Variants in HAP1 observed in about 807,000 individuals in gnomAD.
HAP1 encodes huntingtin associated protein 1, also known as huntingtin-associated protein 1.
Under a neutral mutation model 60.3 loss-of-function variants are expected in HAP1, and 59 were observed. The ratio of observed to expected loss-of-function variants is 0.98; its 90% CI spans 0.79 to 1.22. The LOEUF is 1.22. Among genes scored for constraint, HAP1 ranks in the 50% most tolerant of loss-of-function variants. The pLI is 0.00. For missense variants in HAP1, 825 were observed against 785.3 expected (o/e 1.05, Z -0.60); for synonymous variants, 346 against 330.6 (o/e 1.05, Z -0.50).
At position 41,734,621 on chromosome 17, in the gene HAP1, C is replaced by A. The variant is rs887083206; in HGVS notation, c.14G>T (p.Arg5Met). The A allele has an allele frequency of 1.4e-5, 22 of 1,538,664 alleles. No individual in the cohort carries two copies. The highest frequency in any genetic ancestry group is 1.9e-5 in the Non-Finnish European group (22 of 1,144,560). Residue 5 changes from arginine (R) to methionine (M), a missense_variant, in exon 1 of 11, where the codon AGG becomes ATG. Physicochemically the swap from Arg to Met is moderately conservative, Grantham distance 91 (BLOSUM62 -1). Transcript: ENST00000347901. Reference protein sequence around the residue: MRPKRLGRCCAGSRL... With the variant: MRPKMLGRCCAGSRL... ...GCTCCCCGCGCAGCACCGGCCCAAC[C>A]TCTTCGGGCGCATCTCGAGTCTGCC...
chr17:41,717,838 A>G (rs1911042755), downstream of HAP1: 1 of 358,526 alleles, frequency 2.8e-6, no homozygotes, highest in Non-Finnish European at 6.4e-6. Flanking sequence ...TGGCAAGAAT[A>G]GGAGGAACCC....
Position 41,725,260 on chromosome 17 carries a change from C to G in HAP1, c.1407-106G>C, listed in dbSNP as rs1041272182. 3.7e-5 allele frequency: 35 copies of G among 952,374 alleles called. No homozygotes were observed. In the African/African-American group the frequency reaches 5.4e-4, roughly 15 times the overall value. The allele number at this position is 952,374 out of a possible 1,614,324, so 59.0% of individuals were successfully genotyped here. A position where few individuals can be genotyped will look rare whatever the true frequency, so the allele number is the denominator to read the frequency against. On this transcript the variant is annotated intron_variant, in intron 10 of 10. Coordinates refer to ENST00000347901, the MANE Select transcript of HAP1 (RefSeq NM_177977.3). ...TCCTGATGGTTCCTCCTGGTTCTGTCCCAGCCAGGGGAGAGGGGAGCTAGG... is the reference window on the plus strand; with the variant it reads ...TCCTGATGGTTCCTCCTGGTTCTGTGCCAGCCAGGGGAGAGGGGAGCTAGG...
Position 41,724,727 on chromosome 17 carries a change from T to G in HAP1, c.1834A>C (p.Thr612Pro). ...PHGALPAASR[T>P]SCRSSCR ...CATCGGCACGACGATCTGCAGCTTG[T>G]CCGGCTGGCGGCAGGGAGGGCCCCG... The change falls in exon 11 of 11, where the codon ACA becomes CCA. Residue 612 changes from threonine (T) to proline (P), a missense_variant. Coordinates refer to ENST00000347901, the MANE Select transcript of HAP1 (RefSeq NM_177977.3). 6.3e-7 allele frequency: 1 copy of G among 1,594,868 alleles called. No homozygotes were observed. Among genetic ancestry groups the G allele is most frequent in the Non-Finnish European group, 8.6e-7 (1 of 1,165,520 alleles).
downstream of HAP1, among the ~76,000 whole-genome samples, chr17:41,719,066 C>T (rs1449675602): frequency 6.6e-6 from 1 of 152,154 alleles, no homozygotes; most frequent in Non-Finnish European, 1.5e-5. Flanking sequence ...GCAACCTCCA[C>T]CTCCCAGGTT....
intron 6 of HAP1, among the ~76,000 whole-genome samples, chr17:41,729,355 G>A (rs1555589908): frequency 3.5e-5 from 5 of 144,846 alleles, no homozygotes; most frequent in East Asian, 2.2e-4. Context: ...TTCAACACCA[G>A]CTTGCCCAAC....
chr17:41,719,175 T>A (rs1182935689), downstream of HAP1, among the ~76,000 whole-genome samples: 2 of 151,906 alleles, frequency 1.3e-5, no homozygotes, highest in Non-Finnish European at 2.9e-5. Context: ...AGGTGGGGTT[T>A]CACCATGTTG....
In HAP1 at chr17:41,727,142, C is replaced by T. The variant is rs782031193; in HGVS notation, c.1278G>A (p.Glu426=). The T allele has an allele frequency of 6.4e-7, 1 of 1,556,576 alleles. No homozygotes were observed. The highest frequency in any genetic ancestry group is 8.9e-7 in the Non-Finnish European group (1 of 1,128,762). ...GCGTCTCCTGGAAACCAGGAAGAGT[C>T]TCCTATGGTGGAGAGAACAGACGTT... The part of the protein sequence containing the change: ...KEIQMQLQEE[E]TLPGFQETLA... Residue 426 remains glutamate (E), a splice_region_variant and synonymous_variant, in exon 9 of 11, where the codon GAG becomes GAA. Coordinates refer to ENST00000347901, the MANE Select transcript of HAP1 (RefSeq NM_177977.3).
chr17:41,728,381 AC>A, intron 6 of HAP1, 50 bp from the exon 7 acceptor site: 1 of 1,587,974 alleles, frequency 6.3e-7, no homozygotes, highest in Non-Finnish European at 8.6e-7. Context: ...GCCTTCAGGG[AC>A]CAGCTCTGGC....
At position 41,724,836 on chromosome 17, in the gene HAP1, G is replaced by A; in HGVS notation, c.1725C>T (p.Val575=). 2 of 1,613,494 alleles carry A rather than the reference G, an allele frequency of 1.2e-6. No individual in the cohort carries two copies. Among genetic ancestry groups the A allele is most frequent in the Non-Finnish European group, 1.7e-6 (2 of 1,179,954 alleles). The change falls in exon 11 of 11, where the codon GTC becomes GTT. Residue 575 remains valine (V), a synonymous_variant. Coordinates refer to ENST00000347901, the MANE Select transcript of HAP1 (RefSeq NM_177977.3). ...CTTGCCAGTTGGCCAGCTGCTGGAG[G>A]ACATAATTCATGTCCAGGTGTGAAG... The part of the protein sequence containing the change: ...LGPSHLDMNY[V]LQQLANWQDA...
Position 41,727,807 on chromosome 17 carries a change from C to T in HAP1, c.1230G>A (p.Lys410=). The T allele has an allele frequency of 2.5e-6, 4 of 1,611,474 alleles. No homozygotes were observed. Among genetic ancestry groups the T allele is most frequent in the Non-Finnish European group, 2.5e-6 (3 of 1,178,096 alleles). The change falls in exon 8 of 11, where the codon AAG becomes AAA. Residue 410 remains lysine, a synonymous_variant. Coordinates refer to ENST00000347901, the MANE Select transcript of HAP1 (RefSeq NM_177977.3). ...GGATTTCCTTCTCCGAAGCCAGCTG[C>T]TTCTGCAACTTTTCAGTCTCAGCCC... ...MYGAETEKLQ[K]QLASEKEIQM...
At chr17:41,725,215 C>A (rs1457470093) in intron 10 of HAP1, 61 bp from the exon 11 acceptor site, 1 of 1,375,632 alleles carries the variant, frequency 7.3e-7, no homozygotes, top group Non-Finnish European at 9.9e-7. Flanking sequence ...CAGGCCCACC[C>A]CCACCCGTCT....
chr17:41,719,812 A>G (rs1555586678), downstream of HAP1, among the ~76,000 whole-genome samples: 1 of 152,206 alleles, frequency 6.6e-6, no homozygotes, highest in African/African-American at 2.4e-5. Flanking sequence ...TTTATTCACT[A>G]ATGAGTATCA....
In HAP1 at chr17:41,723,297, T is replaced by C. The variant is rs987533046; in HGVS notation, c.*1404A>G. Reference sequence around the variant, plus strand: ...TTCCTACCGCCTGTCCCTGAAGACGTTGGAAAAGCCTCCAACATGTGGGAA... The same window carrying C: ...TTCCTACCGCCTGTCCCTGAAGACGCTGGAAAAGCCTCCAACATGTGGGAA... On this transcript the variant is annotated 3_prime_UTR_variant, in exon 11 of 11. Coordinates refer to ENST00000347901, the MANE Select transcript of HAP1 (RefSeq NM_177977.3). The C allele has an allele frequency of 2.0e-5, 3 of 151,648 alleles. No individual in the cohort carries two copies. Among genetic ancestry groups the C allele is most frequent in the East Asian group, 2.0e-4 (1 of 5,044 alleles). The allele number at this position is 151,648 out of a possible 1,614,324, so 9.4% of individuals were successfully genotyped here. A position where few individuals can be genotyped will look rare whatever the true frequency, so the allele number is the denominator to read the frequency against.
At chr17:41,722,530 T>G (rs991995752), downstream of HAP1, 1 of 152,216 alleles carries the variant, frequency 6.6e-6, no homozygotes, top group Non-Finnish European at 1.5e-5. Flanking sequence ...ACGGCGTATT[T>G]AATAGGAGTC....
At chr17:41,727,445 C>G in intron 8 of HAP1, 1 of 778,648 alleles carries the variant, frequency 1.3e-6, no homozygotes, top group Non-Finnish European at 2.4e-6. Context: ...GGGAACCCAC[C>G]CACACGCTCT....
intron 6 of HAP1, among the ~76,000 whole-genome samples, chr17:41,729,442 C>T (rs1555589941): frequency 7.0e-6 from 1 of 142,772 alleles, no homozygotes; most frequent in Admixed American, 7.2e-5. Flanking sequence ...CCCAGCTACT[C>T]GGGAGGCTGA....
intron 9 of HAP1, among the ~76,000 whole-genome samples, chr17:41,726,560 CA>C (rs57464420): frequency 1.2e-3 from 141 of 114,060 alleles, no homozygotes; most frequent in Middle Eastern, 5.5e-3. Context: ...AGACTCGTCT[CA>C]AAAAAAAAAA....
At chr17:41,727,367 CA>C (rs1555589169) in intron 8 of HAP1, 1 of 780,718 alleles carries the variant, frequency 1.3e-6, no homozygotes, top group Non-Finnish European at 2.4e-6. Context: ...GGAGGGTCTT[CA>C]CCTCCTCCTG....
At chr17:41,730,922 T>C (rs2143246580) in intron 6 of HAP1, among the ~76,000 whole-genome samples, 1 of 151,998 alleles carries the variant, frequency 6.6e-6, no homozygotes, top group South Asian at 2.1e-4. Flanking sequence ...CACCTTTTTT[T>C]TTTTTTGAGA....
Sources: allele counts gnomAD v4.1 joint callset (sites outside exome capture counted in the v4.1 genomes callset), GRCh38; gene constraint gnomAD v4.1.1; transcripts MANE v1.5; gene names NCBI Gene and HGNC (gene_info 2026-07-23, HGNC 2026-07-21).